Variants in TRPM3 observed in about 807,000 individuals in gnomAD.
TRPM3 encodes the protein long transient receptor potential channel 3.
In TRPM3, 77 loss-of-function variants were observed where a neutral mutation model predicts 181.2. That is an observed-to-expected ratio of 0.42 (90% CI 0.35 to 0.51). The LOEUF (loss-of-function observed/expected upper bound fraction) is 0.51. TRPM3 is among the 20% of genes least tolerant of loss of function. The pLI, the probability that TRPM3 is intolerant of heterozygous loss-of-function variation, is 0.01. For missense variants in TRPM3, 1,759 were observed against 2,196.7 expected (o/e 0.80, Z 3.98); for synonymous variants, 745 against 796.4 (o/e 0.94, Z 1.09).
At chr9:70,942,964 A>G (rs1295110300) in intron 1 of TRPM3, among the ~76,000 whole-genome samples, 3 of 152,136 alleles carry the variant, frequency 2.0e-5, no homozygotes, top group Non-Finnish European at 2.9e-5. Flanking sequence ...GCACCTGGCC[A>G]TCAAGAAAGG....
intron 1 of TRPM3, among the ~76,000 whole-genome samples, chr9:71,330,002 A>G (rs1173939524): frequency 6.8e-6 from 1 of 147,836 alleles, no homozygotes; most frequent in Non-Finnish European, 1.5e-5. Context: ...ATGAGTGAGA[A>G]AAAAAGAACC....
chr9:71,096,910 G>T (rs1459959255), intron 1 of TRPM3, among the ~76,000 whole-genome samples: 2 of 152,098 alleles, frequency 1.3e-5, no homozygotes, highest in East Asian at 3.9e-4. Flanking sequence ...ACAGCTGCTG[G>T]AGTCTATCTG....
chr9:70,927,450 A>T (rs955908633), intron 1 of TRPM3, among the ~76,000 whole-genome samples: 4 of 152,238 alleles, frequency 2.6e-5, no homozygotes, highest in Admixed American at 2.6e-4. Flanking sequence ...AAGAATTTCA[A>T]TGCACTGGCA....
chr9:70,848,444 C>T (rs1169860546), intron 3 of TRPM3, among the ~76,000 whole-genome samples: 6 of 152,018 alleles, frequency 3.9e-5, no homozygotes, highest in Non-Finnish European at 7.4e-5. Flanking sequence ...GCTGAGTATT[C>T]CTCGGAATTA....
intron 1 of TRPM3, among the ~76,000 whole-genome samples, chr9:71,402,818 T>C (rs2093366585): frequency 6.6e-6 from 1 of 152,160 alleles, no homozygotes; most frequent in South Asian, 2.1e-4. Flanking sequence ...ATTTGAACCT[T>C]ACACTAATCT....
At chr9:70,960,881 A>G (rs1255931372) in intron 1 of TRPM3, among the ~76,000 whole-genome samples, 1 of 152,114 alleles carries the variant, frequency 6.6e-6, no homozygotes, top group Non-Finnish European at 1.5e-5. Flanking sequence ...GAAATGTTCA[A>G]TGATTTTGTG....
intron 3 of TRPM3, among the ~76,000 whole-genome samples, 200 bp downstream of exon 3, chr9:70,862,708 G>A (rs2095553324): frequency 6.6e-6 from 1 of 152,096 alleles, no homozygotes; most frequent in South Asian, 2.1e-4. Context: ...AAAATCCCAG[G>A]AGGAAAGTTT....
intron 1 of TRPM3, among the ~76,000 whole-genome samples, chr9:71,405,740 T>A (rs2093425102): frequency 6.6e-6 from 1 of 152,162 alleles, no homozygotes; most frequent in Non-Finnish European, 1.5e-5. Flanking sequence ...AATTATCAAC[T>A]CTATTTGTCC....
At chr9:71,056,388 T>C (rs966639356) in intron 1 of TRPM3, among the ~76,000 whole-genome samples, 1 of 151,930 alleles carries the variant, frequency 6.6e-6, no homozygotes, top group East Asian at 1.9e-4. Flanking sequence ...ACTGCAGAGA[T>C]ATGGATAATG....
intron 1 of TRPM3, among the ~76,000 whole-genome samples, chr9:71,281,520 A>AAT (rs1163933619): frequency 6.6e-6 from 1 of 152,122 alleles, no homozygotes; most frequent in Non-Finnish European, 1.5e-5. Context: ...GAATCCGCTC[A>AAT]ATATATTTGA....
intron 7 of TRPM3, among the ~76,000 whole-genome samples, chr9:70,763,610 C>A (rs2078560914): frequency 1.3e-5 from 2 of 152,162 alleles, no homozygotes; most frequent in Admixed American, 1.3e-4. Flanking sequence ...AGCTGTGGAC[C>A]AGATTGAAAT....
At chr9:70,555,015 A>G (rs2047312531) in intron 22 of TRPM3, among the ~76,000 whole-genome samples, 1 of 152,230 alleles carries the variant, frequency 6.6e-6, no homozygotes, top group South Asian at 2.1e-4. Flanking sequence ...CATGAAGTCA[A>G]ACTCTGAGAG....
At chr9:71,356,154 T>C (rs2091889712) in intron 1 of TRPM3, among the ~76,000 whole-genome samples, 1 of 152,188 alleles carries the variant, frequency 6.6e-6, no homozygotes, top group African/African-American at 2.4e-5. Context: ...ACAGCTACTT[T>C]TACTGTAGCC....
In TRPM3 at chr9:71,072,661, A is replaced by G. The variant is rs553350584; in HGVS notation, c.177+48517T>C. Among the ~76,000 whole-genome samples, 146 of 152,310 alleles carry G rather than the reference A, an allele frequency of 9.6e-4. 1 individual carries two copies. The highest frequency in any genetic ancestry group is 3.3e-3 in the African/African-American group (137 of 41,572). Reference sequence around the variant, plus strand: ...GTAATAGTGCCTAAAATAAGGCACAATATCATGCATTGTTGAAGGCCGAAA... The same window carrying G: ...GTAATAGTGCCTAAAATAAGGCACAGTATCATGCATTGTTGAAGGCCGAAA... On this transcript the variant is annotated intron_variant, in intron 1 of 25. Transcript: ENST00000677713.
intron 8 of TRPM3, among the ~76,000 whole-genome samples, chr9:70,688,205 C>T (rs1033313388): frequency 3.3e-5 from 5 of 152,094 alleles, no homozygotes; most frequent in Non-Finnish European, 7.3e-5. Context: ...CATATTAGGA[C>T]GTTTAAAGTG....
intron 6 of TRPM3, chr9:70,811,044 A>C (rs2091926301): frequency 5.6e-6 from 4 of 720,344 alleles, no homozygotes; most frequent in Non-Finnish European, 7.0e-6. Context: ...ATGTCAGAAG[A>C]GATAGAGATA....
chr9:70,811,529 C>T (rs189121229), intron 6 of TRPM3, among the ~76,000 whole-genome samples: 132 of 152,216 alleles, frequency 8.7e-4, no homozygotes, highest in Non-Finnish European at 1.5e-3. Flanking sequence ...TGGAAAGGGT[C>T]AAATGAGTTA....
intron 1 of TRPM3, among the ~76,000 whole-genome samples, chr9:71,063,576 G>A (rs1216787046): frequency 6.6e-6 from 1 of 152,106 alleles, no homozygotes; most frequent in Non-Finnish European, 1.5e-5. Flanking sequence ...GATGAGGATT[G>A]GAGGGATTCA....
chr9:71,253,427 T>C (rs1220852565), intron 1 of TRPM3, among the ~76,000 whole-genome samples: 1 of 152,138 alleles, frequency 6.6e-6, no homozygotes, highest in Non-Finnish European at 1.5e-5. Context: ...ATCTAGTTGG[T>C]AGAGGCTAGA....
Sources: gnomAD v4.1 joint callset for allele counts (sites outside exome capture counted in the v4.1 genomes callset) on GRCh38, gnomAD v4.1.1 for gene constraint, MANE v1.5 for transcripts, NCBI Gene and HGNC (gene_info 2026-07-23, HGNC 2026-07-21) for gene names.